SPAG16: variants seen among roughly 807,000 people sequenced by gnomAD.
SPAG16 encodes the protein sperm-associated antigen 16 protein.
In SPAG16, 86 loss-of-function variants were observed where a neutral mutation model predicts 80.4. The observed-to-expected ratio is 1.07, with a 90% CI of 0.90 to 1.28. The LOEUF is 1.28. Ranked by LOEUF, SPAG16 falls within the 50% of genes most tolerant of loss-of-function variation. The pLI, the probability that SPAG16 is intolerant of heterozygous loss-of-function variation, is 0.00. For synonymous variants in SPAG16, 294 were observed against 265.9 expected (o/e 1.11, Z -1.03); for missense variants, 870 against 765.3 (o/e 1.14, Z -1.61).
chr2:213,401,941 A>T (rs1263319015), intron 9 of SPAG16, among the ~76,000 whole-genome samples: 2 of 152,044 alleles, frequency 1.3e-5, no homozygotes, highest in East Asian at 3.9e-4. Flanking sequence ...TAATAGAAAA[A>T]CTTCAAACGT....
chr2:214,204,034 G>A (rs1041937927), intron 15 of SPAG16, among the ~76,000 whole-genome samples: 1 of 152,158 alleles, frequency 6.6e-6, no homozygotes, highest in Non-Finnish European at 1.5e-5. Flanking sequence ...CATAGGAGCT[G>A]ATGAGGCCTG....
chr2:213,646,470 T>C (rs72940995), intron 10 of SPAG16, among the ~76,000 whole-genome samples: 34 of 152,316 alleles, frequency 2.2e-4, no homozygotes, highest in Non-Finnish European at 4.4e-4. Context: ...GATTAGCACT[T>C]TACAGAACAG....
intron 15 of SPAG16, among the ~76,000 whole-genome samples, chr2:214,397,702 G>T (rs2126138919): frequency 6.6e-6 from 1 of 152,280 alleles, no homozygotes; most frequent in South Asian, 2.1e-4. Flanking sequence ...TCTTTTAGGA[G>T]GCAAGAGGAT....
intron 9 of SPAG16, among the ~76,000 whole-genome samples, chr2:213,389,778 T>C (rs982331636): frequency 1.3e-5 from 2 of 152,140 alleles, no homozygotes; most frequent in Admixed American, 6.5e-5. Flanking sequence ...TTGTTCACTA[T>C]TGGCAGAATG....
intron 10 of SPAG16, among the ~76,000 whole-genome samples, chr2:213,831,413 GTTT>G (rs34179061): frequency 1.7e-4 from 25 of 148,004 alleles, no homozygotes; most frequent in Non-Finnish European, 2.1e-4. Context: ...TAATTCAGGT[GTTT>G]TTTTTTTTTT....
chr2:214,273,034 G>A (rs1692154845), intron 15 of SPAG16, among the ~76,000 whole-genome samples: 1 of 152,174 alleles, frequency 6.6e-6, no homozygotes, highest in South Asian at 2.1e-4. Context: ...GCATTTCTCT[G>A]ATGGCCAGTG....
chr2:213,685,713 T>G (rs2064633306), intron 10 of SPAG16, among the ~76,000 whole-genome samples: 1 of 152,202 alleles, frequency 6.6e-6, no homozygotes. Flanking sequence ...TTCCTTTTTA[T>G]TCTAAGAGCA....
chr2:214,381,178 A>G (rs540364014), intron 15 of SPAG16, among the ~76,000 whole-genome samples: 86 of 152,366 alleles, frequency 5.6e-4, no homozygotes, highest in African/African-American at 2.0e-3. Context: ...TACAGAGAAC[A>G]GTTCAAAGGA....
chr2:213,965,332 T>C (rs929913501), intron 12 of SPAG16, among the ~76,000 whole-genome samples: 22 of 152,226 alleles, frequency 1.4e-4, no homozygotes, highest in African/African-American at 5.3e-4. Flanking sequence ...TGCAACCTCA[T>C]CGTAAGTCGA....
At chr2:214,376,679 C>T (rs1430276325) in intron 15 of SPAG16, among the ~76,000 whole-genome samples, 1 of 152,174 alleles carries the variant, frequency 6.6e-6, no homozygotes, top group African/African-American at 2.4e-5. Flanking sequence ...TCTGTGTTCA[C>T]ATGGCACTGA....
chr2:213,426,418 C>A (rs1271593297), intron 9 of SPAG16, among the ~76,000 whole-genome samples: 1 of 151,726 alleles, frequency 6.6e-6, no homozygotes, highest in Non-Finnish European at 1.5e-5. Context: ...ATATTTATAT[C>A]TCTAATTTAT....
In SPAG16 at chr2:214,042,278, C is replaced by G. The variant is rs1045866443; in HGVS notation, c.1527+28201C>G. Among the ~76,000 whole-genome samples the G allele has an allele frequency of 2.6e-5, 4 of 151,590 alleles. No homozygotes were observed. In the East Asian group the frequency reaches 7.8e-4, roughly 29 times the overall value. ...CCAGCTAATTTCAGCTGGAAGTTTT[C>G]TAAACCTTGGATACCAAATTAAACT... On this transcript the variant is annotated intron_variant, in intron 13 of 15. Coordinates refer to ENST00000331683, the MANE Select transcript of SPAG16 (RefSeq NM_024532.5).
At chr2:213,866,254 A>G (rs1039280543) in intron 11 of SPAG16, among the ~76,000 whole-genome samples, 1 of 152,092 alleles carries the variant, frequency 6.6e-6, no homozygotes, top group Non-Finnish European at 1.5e-5. Context: ...GCATAAACAT[A>G]ATTTTAAACC....
chr2:213,447,317 C>G (rs112816649), intron 9 of SPAG16, among the ~76,000 whole-genome samples: 1 of 152,090 alleles, frequency 6.6e-6, no homozygotes, highest in African/African-American at 2.4e-5. Flanking sequence ...TATGATATTC[C>G]CCATTCTGAG....
intron 10 of SPAG16, among the ~76,000 whole-genome samples, chr2:213,829,844 A>G (rs139721306): frequency 6.6e-6 from 1 of 152,204 alleles, no homozygotes; most frequent in Non-Finnish European, 1.5e-5. Flanking sequence ...TACCCAGTGC[A>G]TTATCCTACT....
intron 3 of SPAG16, among the ~76,000 whole-genome samples, chr2:213,304,007 T>C (rs775779336): frequency 1.3e-5 from 2 of 152,126 alleles, no homozygotes; most frequent in Non-Finnish European, 2.9e-5. Flanking sequence ...ACTAATGGTG[T>C]ACGAGGGTTA....
chr2:213,368,964 A>G (rs1285915638), intron 8 of SPAG16, among the ~76,000 whole-genome samples: 3 of 152,216 alleles, frequency 2.0e-5, no homozygotes, highest in African/African-American at 7.2e-5. Flanking sequence ...GGAAGAATCA[A>G]TATCATGATA....
chr2:213,409,619 A>G (rs772968844), intron 9 of SPAG16, among the ~76,000 whole-genome samples: 2 of 152,224 alleles, frequency 1.3e-5, no homozygotes, highest in East Asian at 3.8e-4. Context: ...GCCAGACATT[A>G]AAAATTGAAT....
intron 13 of SPAG16, among the ~76,000 whole-genome samples, chr2:214,047,488 A>G (rs538969390): frequency 3.3e-5 from 5 of 152,314 alleles, no homozygotes; most frequent in South Asian, 4.1e-4. Flanking sequence ...CAGGATATCC[A>G]TATGCAGAAG....
Sources: gnomAD v4.1 joint callset for allele counts (sites outside exome capture counted in the v4.1 genomes callset) on GRCh38, gnomAD v4.1.1 for gene constraint, MANE v1.5 for transcripts, NCBI Gene and HGNC (gene_info 2026-07-23, HGNC 2026-07-21) for gene names.